Variants in CIZ1 observed in about 807,000 individuals in gnomAD.
CIZ1 encodes CDKN1A interacting zinc finger protein 1.
In CIZ1, 58 loss-of-function variants were observed where a neutral mutation model predicts 118.6. The ratio of observed to expected loss-of-function variants is 0.49; its 90% confidence interval spans 0.40 to 0.61. The LOEUF (loss-of-function observed/expected upper bound fraction) is 0.61, where lower values mean the gene tolerates loss of function less well. CIZ1 is among the 20% of genes least tolerant of loss of function. CIZ1 has a pLI of 0.00. For missense variants in CIZ1, 921 were observed against 1,115.9 expected, an observed-to-expected ratio of 0.83 and a Z score of 2.49; for synonymous variants, 448 against 443.4, an observed-to-expected ratio of 1.01 and a Z score of -0.13.
intron 5 of CIZ1, among the ~76,000 whole-genome samples, chr9:128,184,141 T>C (rs1209496246): frequency 6.6e-6 from 1 of 152,202 alleles, no homozygotes; most frequent in Non-Finnish European, 1.5e-5. Flanking sequence ...TGATGTTTCC[T>C]TTCCAAATAA....
rs530771791 is a variant in CIZ1 at position 128,203,103 on chromosome 9, T to C, written c.-6+1083A>G. 6.6e-5 allele frequency among the ~76,000 whole-genome samples: 10 copies of C among 152,162 alleles called. No homozygotes were observed. The highest frequency in any genetic ancestry group is 2.4e-4 in the African/African-American group (10 of 41,508). On this transcript the variant is annotated intron_variant, in intron 1 of 17. Coordinates refer to the CIZ1 transcript ENST00000372948. This position sits in a 1 kb window ranked among gnomAD's most constrained non-coding sequence, Gnocchi z 5.3. ...CTCTCCAGGCCTGTTTCCTCATCGG[T>C]AAGATGGAGTGAAACATCCAGACCA...
In CIZ1 at chr9:128,166,605, C is replaced by G. The variant is rs572436077; in HGVS notation, c.2487+154G>C. 1.7e-5 allele frequency: 19 copies of G among 1,102,106 alleles called. No individual in the cohort carries two copies. The highest frequency in any genetic ancestry group is 2.5e-5 in the Non-Finnish European group (19 of 758,882). The allele number at this position is 1,102,106 out of a possible 1,614,324, so 68.3% of individuals were successfully genotyped here. ...CCCCTTGAACAATAAGAGCCCAACC[C>G]CACCCCAGCTCTAATTCTCTCCCTG... On this transcript the variant is annotated intron_variant, in intron 16 of 16. Transcript: ENST00000372938. The surrounding 1 kb of genome is among the most constrained non-coding windows in gnomAD (Gnocchi z 4.4).
In CIZ1 at chr9:128,203,154, G is replaced by T. The variant is rs985711321; in HGVS notation, c.-6+1032C>A. 6.6e-6 allele frequency among the ~76,000 whole-genome samples: 1 copy of T among 152,216 alleles called. No homozygotes were observed. Among genetic ancestry groups the T allele is most frequent in the Admixed American group, 6.5e-5 (1 of 15,284 alleles). ...CTCTCCAAGAGGCCTGGTACTAGGA[G>T]TGAGACCCAACCCATTGACAAATAT... On this transcript the variant is annotated intron_variant, in intron 1 of 17. Transcript: ENST00000372948. The surrounding 1 kb of genome is among the most constrained non-coding windows in gnomAD (Gnocchi z 5.3).
chr9:128,179,010 C>T lies in CIZ1; in HGVS notation c.1197G>A (p.Pro399=), dbSNP rs139585516. The T allele has an allele frequency of 3.6e-4, 587 of 1,611,470 alleles. 2 individuals are homozygous for T. The African/African-American group carries it at 4.9e-3, about 13-fold the overall frequency. ...GCACCTGTGGCTGCACCTGCTTCAG[C>T]GGCTCTGCCTCCTGCTGCAGCTGCA... is the stretch of plus-strand genomic sequence containing the variant. The part of the protein sequence containing the change: ...RQVQLQQEAE[P]LKQVQPQVQP... The change falls in exon 8 of 17, where the codon CCG becomes CCA. Residue 399 remains proline, a synonymous_variant. Coordinates refer to ENST00000372938, the MANE Select transcript of CIZ1 (RefSeq NM_001131016.2).
At chr9:128,187,427 C>T (rs1439090284) in intron 4 of CIZ1, among the ~76,000 whole-genome samples, 1 of 152,206 alleles carries the variant, frequency 6.6e-6, no homozygotes, top group Non-Finnish European at 1.5e-5. Context: ...CCAGACTCTA[C>T]AGTGCAAGCT....
intron 3 of CIZ1, 73 bp downstream of exon 3, chr9:128,190,256 G>T: frequency 1.9e-6 from 2 of 1,063,648 alleles, no homozygotes; most frequent in Non-Finnish European, 2.9e-6. Flanking sequence ...GTGTGGAGTT[G>T]AGATTTAGAG....
At chr9:128,184,670 A>G in intron 5 of CIZ1, among the ~76,000 whole-genome samples, 1 of 150,172 alleles carries the variant, frequency 6.7e-6, no homozygotes. Context: ...TTTTATTTTT[A>G]TTTATTTATT....
At chr9:128,176,971 C>G (rs1483571078) in intron 10 of CIZ1, among the ~76,000 whole-genome samples, 2 of 152,136 alleles carry the variant, frequency 1.3e-5, no homozygotes, top group African/African-American at 4.8e-5. Context: ...GTGGCATGAT[C>G]TTGGCTCACT....
At chr9:128,193,096 G>C (rs1032381606), upstream of CIZ1, among the ~76,000 whole-genome samples, 10 of 152,372 alleles carry the variant, frequency 6.6e-5, no homozygotes, top group Admixed American at 4.6e-4. Context: ...GCGGCAGATG[G>C]GCGGCGGCTG....
At chr9:128,180,270 G>C (rs1831406795) in intron 7 of CIZ1, 145 bp downstream of exon 7, 2 of 628,702 alleles carry the variant, frequency 3.2e-6, no homozygotes, top group Non-Finnish European at 5.6e-6. Context: ...AATAAGTAAG[G>C]CCTTCCTCCA....
At position 128,190,850 on chromosome 9, in the gene CIZ1, C is replaced by G. The variant is rs1327838740; in HGVS notation, c.8G>C (p.Ser3Thr). MFSQQQQQQLQQQ... is the reference protein window; with the variant it reads MFTQQQQQQLQQQ... Reference sequence around the variant, plus strand: ...CTGGAGCTGCTGCTGCTGCTGCTGGCTGAACATGGTGGCTAGGGGCAGAAA... The same window carrying G: ...CTGGAGCTGCTGCTGCTGCTGCTGGGTGAACATGGTGGCTAGGGGCAGAAA... The change falls in exon 2 of 17, where the codon AGC becomes ACC. Residue 3 changes from serine (S) to threonine (T), a missense_variant. Ser to Thr is a moderately conservative substitution (Grantham distance 58). Transcript: ENST00000372938. 1 of 1,542,300 alleles carries G rather than the reference C, an allele frequency of 6.5e-7. No individual in the cohort carries two copies. The highest frequency in any genetic ancestry group is 8.7e-7 in the Non-Finnish European group (1 of 1,147,380).
At chr9:128,176,577 C>T (rs1830879094) in intron 10 of CIZ1, 102 bp from the exon 11 acceptor site, 3 of 1,177,158 alleles carry the variant, frequency 2.5e-6, no homozygotes, top group Non-Finnish European at 3.6e-6. Context: ...CACTGTGCGC[C>T]CATTTCTCTC....
At chr9:128,187,831 A>G (rs758376718) in intron 4 of CIZ1, 32 bp downstream of exon 4, 1 of 576,636 alleles carries the variant, frequency 1.7e-6, no homozygotes, top group Admixed American at 2.4e-5. Flanking sequence ...GTATATATAC[A>G]TTTATATATA....
chr9:128,170,827 T>C (rs1021214716), intron 11 of CIZ1, among the ~76,000 whole-genome samples: 4 of 152,076 alleles, frequency 2.6e-5, no homozygotes, highest in African/African-American at 4.8e-5. Context: ...GGCATAAAAA[T>C]AAAAACCATA....
upstream of CIZ1, chr9:128,191,601 C>A (rs897817596): frequency 1.0e-5 from 12 of 1,185,982 alleles, no homozygotes; most frequent in African/African-American, 1.9e-4. This position sits in a 1 kb window ranked among gnomAD's most constrained non-coding sequence, Gnocchi z 5.5. Flanking sequence ...CCGGCCGGGG[C>A]AGCGCCCTCT....
intron 1 of CIZ1, among the ~76,000 whole-genome samples, chr9:128,198,544 C>T (rs896602226): frequency 9.2e-5 from 14 of 152,068 alleles, no homozygotes; most frequent in African/African-American, 2.9e-4. Flanking sequence ...AAAAAGGGCT[C>T]GTGTTTTGGC....
At chr9:128,187,189 C>G (rs1263807212) in intron 4 of CIZ1, among the ~76,000 whole-genome samples, 1 of 152,198 alleles carries the variant, frequency 6.6e-6, no homozygotes, top group Non-Finnish European at 1.5e-5. Context: ...GATCCGCCCA[C>G]CTTGGCCTAC....
chr9:128,190,192 A>C, intron 3 of CIZ1, 137 bp downstream of exon 3: 1 of 646,318 alleles, frequency 1.5e-6, no homozygotes, highest in Non-Finnish European at 2.8e-6. Context: ...CTGGAGCCTT[A>C]GTGTCCTCAT....
At chr9:128,169,886 C>A in intron 12 of CIZ1, 134 bp downstream of exon 12, 1 of 1,003,238 alleles carries the variant, frequency 1.0e-6, no homozygotes, top group Admixed American at 2.3e-5. Context: ...CTGACTCCTC[C>A]AGAAACTGCA....
Sources: gnomAD v4.1 joint callset for allele counts (sites outside exome capture counted in the v4.1 genomes callset) on GRCh38, gnomAD v4.1.1 for gene constraint, Gnocchi (gnomAD v3.1) non-coding constraint, MANE v1.5 for transcripts, NCBI Gene and HGNC (gene_info 2026-07-23, HGNC 2026-07-21) for gene names.